TSHR: variants seen among roughly 807,000 people sequenced by gnomAD.
The protein encoded by TSHR is thyroid stimulating hormone receptor, also known as thyrotropin receptor.
Under a neutral mutation model 64.1 loss-of-function variants are expected in TSHR, and 51 were observed. The observed-to-expected ratio is 0.80, with a 90% CI of 0.64 to 1.01. The LOEUF (loss-of-function observed/expected upper bound fraction) is 1.01. TSHR is among the 50% of genes least tolerant of loss of function. TSHR has a pLI of 0.00. For missense variants in TSHR, 877 were observed against 942.8 expected, an observed-to-expected ratio of 0.93 and a Z score of 0.91; for synonymous variants, 361 against 361.9, an observed-to-expected ratio of 1.00 and a Z score of 0.03.
intron 1 of TSHR, among the ~76,000 whole-genome samples, chr14:81,034,130 AC>A (rs1884502981): frequency 6.6e-6 from 1 of 152,194 alleles, no homozygotes; most frequent in Admixed American, 6.5e-5. Flanking sequence ...AGAGGTAGAG[AC>A]CTGCTGCCTT....
chr14:81,012,016 T>G (rs1336364210), intron 1 of TSHR: 1 of 152,176 alleles, frequency 6.6e-6, no homozygotes, highest in East Asian at 1.9e-4. Flanking sequence ...TGTATACATG[T>G]GCCATGCTGC....
chr14:80,987,131 C>G (rs776643139), intron 1 of TSHR, among the ~76,000 whole-genome samples: 4 of 152,182 alleles, frequency 2.6e-5, no homozygotes, highest in Non-Finnish European at 5.9e-5. Flanking sequence ...AAAAAGGAAA[C>G]AGTAATACCT....
At chr14:81,128,192 T>G (rs941670511) in intron 8 of TSHR, among the ~76,000 whole-genome samples, 1 of 152,230 alleles carries the variant, frequency 6.6e-6, no homozygotes, top group Non-Finnish European at 1.5e-5. Flanking sequence ...CGAATTTTCT[T>G]GTTAATAATA....
chr14:81,078,308 G>A (rs1321063548), intron 3 of TSHR, among the ~76,000 whole-genome samples: 6 of 152,104 alleles, frequency 3.9e-5, no homozygotes, highest in Non-Finnish European at 8.8e-5. Flanking sequence ...TTGTAGCAAA[G>A]CCATTTTTGT....
At chr14:81,137,780 G>A (rs973312614) in intron 8 of TSHR, among the ~76,000 whole-genome samples, 15 of 152,324 alleles carry the variant, frequency 9.8e-5, no homozygotes, top group African/African-American at 3.6e-4. Flanking sequence ...CAAGAAATAT[G>A]TATTAAAATG....
intron 4 of TSHR, 127 bp from the exon 5 acceptor site, chr14:81,090,942 G>A (rs541383113): frequency 1.4e-4 from 110 of 761,502 alleles, no homozygotes; most frequent in Non-Finnish European, 2.3e-4. Flanking sequence ...TAGGGAAGGT[G>A]TTGGGAGTTT....
intron 8 of TSHR, among the ~76,000 whole-genome samples, chr14:81,130,577 T>A (rs952512690): frequency 6.6e-6 from 1 of 152,208 alleles, no homozygotes; most frequent in African/African-American, 2.4e-5. Flanking sequence ...GATATTCTTT[T>A]TATCTATATC....
chr14:81,072,641 C>A (rs563819954), intron 3 of TSHR, among the ~76,000 whole-genome samples: 13 of 152,094 alleles, frequency 8.5e-5, no homozygotes, highest in African/African-American at 2.6e-4. Flanking sequence ...TGTAAAAGGA[C>A]TAAATACTCT....
intron 1 of TSHR, among the ~76,000 whole-genome samples, chr14:80,989,255 C>T (rs533682466): frequency 2.0e-5 from 3 of 152,280 alleles, no homozygotes; most frequent in Admixed American, 6.5e-5. Context: ...TACCACTTCC[C>T]TGCCCACTGC....
At chr14:81,011,973 G>A (rs1326674699) in intron 1 of TSHR, 2 of 151,738 alleles carry the variant, frequency 1.3e-5, no homozygotes, top group African/African-American at 2.4e-5. Context: ...AAGTTTTAGG[G>A]CACATGTGCA....
At chr14:81,028,104 C>A (rs1048445625) in intron 1 of TSHR, among the ~76,000 whole-genome samples, 3 of 152,106 alleles carry the variant, frequency 2.0e-5, no homozygotes, top group Admixed American at 6.5e-5. Flanking sequence ...CCTTACGATA[C>A]ATAAAGTTAT....
At chr14:81,073,416 G>C (rs1261839077) in intron 3 of TSHR, among the ~76,000 whole-genome samples, 2 of 152,036 alleles carry the variant, frequency 1.3e-5, no homozygotes, top group Non-Finnish European at 2.9e-5. Context: ...AACAACTGCA[G>C]AGTATATATT....
intron 1 of TSHR, among the ~76,000 whole-genome samples, chr14:81,000,943 AGATGCT>A (rs1889277347): frequency 6.6e-6 from 1 of 152,176 alleles, no homozygotes; most frequent in African/African-American, 2.4e-5. Flanking sequence ...AATCACCTGC[AGATGCT>A]GCCTGTGGGC....
chr14:80,959,258 C>T (rs1372617161), intron 1 of TSHR, among the ~76,000 whole-genome samples: 2 of 152,052 alleles, frequency 1.3e-5, no homozygotes, highest in South Asian at 2.1e-4. Context: ...ATTCTAGAAT[C>T]TTTGATGTGT....
chr14:81,034,515 A>T (rs544601914), intron 1 of TSHR, among the ~76,000 whole-genome samples: 4 of 152,350 alleles, frequency 2.6e-5, no homozygotes, highest in African/African-American at 9.6e-5. Context: ...GCCAACTGTG[A>T]ATCTGCCATT....
chr14:81,035,879 A>T (rs909137733), intron 1 of TSHR, among the ~76,000 whole-genome samples: 34 of 141,046 alleles, frequency 2.4e-4, no homozygotes, highest in African/African-American at 8.9e-4. Context: ...AAAAAATAAA[A>T]ATAAATAAAA....
chr14:81,054,933 G>C (rs377516840), intron 1 of TSHR, among the ~76,000 whole-genome samples: 1 of 152,142 alleles, frequency 6.6e-6, no homozygotes, highest in Non-Finnish European at 1.5e-5. Flanking sequence ...AATTGCATAA[G>C]TAATGAGGAG....
intron 1 of TSHR, among the ~76,000 whole-genome samples, chr14:80,972,245 G>A (rs190364177): frequency 5.0e-4 from 76 of 151,890 alleles, no homozygotes; most frequent in African/African-American, 1.6e-3. Context: ...ATGGGTTTTC[G>A]TTTTTGTTTT....
intron 8 of TSHR, among the ~76,000 whole-genome samples, chr14:81,114,119 G>C (rs1424128347): frequency 8.0e-6 from 1 of 124,284 alleles, no homozygotes; most frequent in South Asian, 2.6e-4. Flanking sequence ...AAGCTGACAG[G>C]CCCAAGGAAA....
Sources: allele counts gnomAD v4.1 joint callset (sites outside exome capture counted in the v4.1 genomes callset), GRCh38; gene constraint gnomAD v4.1.1; transcripts MANE v1.5; gene names NCBI Gene and HGNC (gene_info 2026-07-23, HGNC 2026-07-21).